KMT2C: variants seen among roughly 807,000 people sequenced by gnomAD.
The protein encoded by KMT2C is histone-lysine N-methyltransferase 2C.
Under a neutral mutation model 507.9 loss-of-function variants are expected in KMT2C, and 88 were observed. The observed-to-expected ratio is 0.17, with a 90% CI of 0.15 to 0.21. KMT2C has a LOEUF of 0.21. Among genes scored for constraint, KMT2C ranks in the 10% least tolerant of loss-of-function variants. The pLI is 1.00. For synonymous variants in KMT2C, 2,049 were observed against 2,080.8 expected, an observed-to-expected ratio of 0.98 and a Z score of 0.42; for missense variants, 4,954 against 5,957.8, an observed-to-expected ratio of 0.83 and a Z score of 5.55.
chr7:152,213,509 T>C (rs2094501960), intron 23 of KMT2C, among the ~76,000 whole-genome samples: 1 of 152,054 alleles, frequency 6.6e-6, no homozygotes, highest in African/African-American at 2.4e-5. Context: ...TAGATATCTA[T>C]ATGCAAAAGA....
intron 1 of KMT2C, among the ~76,000 whole-genome samples, chr7:152,416,046 A>C (rs535268979): frequency 6.6e-6 from 1 of 152,278 alleles, no homozygotes; most frequent in East Asian, 1.9e-4. Flanking sequence ...ATGACATTAC[A>C]AATTGATGCA....
chr7:152,414,464 G>T (rs552729852), intron 1 of KMT2C, among the ~76,000 whole-genome samples: 1 of 152,118 alleles, frequency 6.6e-6, no homozygotes, highest in African/African-American at 2.4e-5. Flanking sequence ...GGAGGCGAAG[G>T]TTGCCATGAG....
rs968440874 is a variant in KMT2C at position 152,135,634 on chromosome 7, T to C, written c.*1198A>G. 4.4e-6 allele frequency: 1 copy of C among 227,212 alleles called. No homozygotes were observed. The allele number at this position is 227,212 out of a possible 1,614,324, so 14.1% of individuals were successfully genotyped here. On this transcript the variant is annotated 3_prime_UTR_variant, in exon 59 of 59. Coordinates refer to ENST00000262189, the MANE Select transcript of KMT2C (RefSeq NM_170606.3). ...CTCTGTGGCTGAAACAAAGTTCTAA[T>C]CAAAACTACTTTTGCTGAAGAAAAA... is the stretch of plus-strand genomic sequence containing the variant.
intron 6 of KMT2C, among the ~76,000 whole-genome samples, chr7:152,297,056 AGAGAGAGAGAGAGAGAGAGAG>A (rs1563767578): frequency 0.017 from 697 of 42,044 alleles, 13 homozygotes; most frequent in South Asian, 0.036. Context: ...AAAGAAAGAC[AGAGAGAGAGAGAGAGAGAGAG>A]AGAGAGAGAG....
intron 20 of KMT2C, among the ~76,000 whole-genome samples, chr7:152,223,256 C>T (rs1013418707): frequency 4.6e-5 from 7 of 151,956 alleles, no homozygotes; most frequent in African/African-American, 1.5e-4. Flanking sequence ...AGCAAGGAAA[C>T]ATTCTTGATT....
rs754396853 is a variant in KMT2C at position 152,435,837 on chromosome 7, CCCGCCGCCGCGGCCG to C, written c.-66_-52del. ...ATCCCGGTCCTCCTCCTGGGGGGCT[CCCGCCGCCGCGGCCG>C]CCGCCGCCGCCGCTGCTGCTCGGGT... is the stretch of plus-strand genomic sequence containing the variant. On this transcript the variant is annotated 5_prime_UTR_variant, in exon 1 of 59. Coordinates refer to ENST00000262189, the MANE Select transcript of KMT2C (RefSeq NM_170606.3). The C allele has an allele frequency of 1.5e-5, 21 of 1,378,826 alleles. No individual in the cohort carries two copies. Among genetic ancestry groups the C allele is most frequent in the Non-Finnish European group, 1.7e-5 (18 of 1,064,580 alleles). 85.4% of individuals were successfully genotyped at this position (1,378,826 alleles called of 1,614,324 possible). A position where few individuals can be genotyped will look rare whatever the true frequency, so the allele number is the denominator to read the frequency against.
At chr7:152,400,190 T>C (rs1182896434) in intron 1 of KMT2C, among the ~76,000 whole-genome samples, 1 of 152,052 alleles carries the variant, frequency 6.6e-6, no homozygotes, top group Admixed American at 6.6e-5. Context: ...CAGGTGCCTG[T>C]AGTCCCAGTT....
intron 1 of KMT2C, among the ~76,000 whole-genome samples, chr7:152,390,860 A>C (rs943714194): frequency 1.3e-5 from 2 of 152,136 alleles, no homozygotes; most frequent in African/African-American, 4.8e-5. Context: ...AAAACTTAGA[A>C]TCTCTGCCAG....
chr7:152,198,037 A>C (rs1243822539), intron 27 of KMT2C, among the ~76,000 whole-genome samples: 1 of 116,822 alleles, frequency 8.6e-6, no homozygotes, highest in Non-Finnish European at 1.5e-5. Context: ...TTAAGTCTTC[A>C]AAGTGGCTAG....
At chr7:152,308,044 A>C (rs941829769) in intron 6 of KMT2C, among the ~76,000 whole-genome samples, 1 of 152,210 alleles carries the variant, frequency 6.6e-6, no homozygotes, top group Admixed American at 6.5e-5. Flanking sequence ...AGTCTCTAAG[A>C]ATGTTCAGGC....
intron 6 of KMT2C, among the ~76,000 whole-genome samples, chr7:152,306,419 C>T (rs1276351780): frequency 6.6e-6 from 1 of 152,218 alleles, no homozygotes; most frequent in Non-Finnish European, 1.5e-5. Context: ...CTCCCTCCCA[C>T]TCCCTACAGG....
intron 39 of KMT2C, 144 bp downstream of exon 39, chr7:152,173,987 A>G: frequency 7.9e-6 from 4 of 503,272 alleles, no homozygotes; most frequent in Non-Finnish European, 1.4e-5. Context: ...ATCTGATCAT[A>G]TCGAGCTGAT....
Position 152,180,864 on chromosome 7 carries a change from C to T in KMT2C, c.6996G>A (p.Gly2332=), listed in dbSNP as rs1277145735. ...GAGAGTTTGAAGATGCACAGAAGCT[C>T]CCCTCTGATCCAGGCCTTGGCTGAT... is the stretch of plus-strand genomic sequence containing the variant. ...VADQPRPGSE[G]SFCASSNSPM... Residue 2332 remains glycine (G), a synonymous_variant, in exon 36 of 59, where the codon GGG becomes GGA. Transcript: ENST00000262189. The T allele has an allele frequency of 2.5e-6, 4 of 1,614,150 alleles. No individual in the cohort carries two copies. In the African/African-American group the frequency reaches 5.3e-5, roughly 22 times the overall value.
intron 6 of KMT2C, among the ~76,000 whole-genome samples, chr7:152,282,296 C>CAAAA (rs1299162491): frequency 9.7e-6 from 1 of 102,672 alleles, no homozygotes; most frequent in South Asian, 3.2e-4. Flanking sequence ...GACCTTGTCT[C>CAAAA]AAAAAAAAAA....
At chr7:152,426,574 A>C (rs1564215883) in intron 1 of KMT2C, among the ~76,000 whole-genome samples, 1 of 151,566 alleles carries the variant, frequency 6.6e-6, no homozygotes. Flanking sequence ...TTGGTTTCTA[A>C]TCACTTCTGT....
At chr7:152,286,806 A>G (rs1330207301) in intron 6 of KMT2C, among the ~76,000 whole-genome samples, 2 of 152,226 alleles carry the variant, frequency 1.3e-5, no homozygotes, top group African/African-American at 4.8e-5. Flanking sequence ...ATATACAAGA[A>G]AAGTTGCTAG....
intron 1 of KMT2C, among the ~76,000 whole-genome samples, chr7:152,399,312 T>C (rs1304659666): frequency 4.6e-5 from 7 of 152,136 alleles, no homozygotes; most frequent in Non-Finnish European, 1.0e-4. Flanking sequence ...ATCAAACATA[T>C]ACATTTATCT....
At chr7:152,252,212 T>C (rs1352889288) in intron 10 of KMT2C, 122 bp from the exon 11 acceptor site, 1 of 703,018 alleles carries the variant, frequency 1.4e-6, no homozygotes, top group Non-Finnish European at 2.2e-6. Flanking sequence ...GGAGAGAGGT[T>C]AGAGGAGTTG....
In KMT2C at chr7:152,164,271, A is replaced by G. The variant is rs117071058; in HGVS notation, c.9751-445T>C. On this transcript the variant is annotated intron_variant, in intron 42 of 58. Transcript: ENST00000262189. Reference sequence around the variant, plus strand: ...TTTAAATGTTAAGATTTCATTTCTTAAATATATAAATTGTACAACATTTTT... The same window carrying G: ...TTTAAATGTTAAGATTTCATTTCTTGAATATATAAATTGTACAACATTTTT... Among the ~76,000 whole-genome samples the G allele has an allele frequency of 2.0e-3, 306 of 152,212 alleles. 4 individuals carry two copies. The East Asian group carries it at 0.056, about 28-fold the overall frequency.
Sources: gnomAD v4.1 joint callset for allele counts (sites outside exome capture counted in the v4.1 genomes callset) on GRCh38, gnomAD v4.1.1 for gene constraint, MANE v1.5 for transcripts, NCBI Gene and HGNC (gene_info 2026-07-23, HGNC 2026-07-21) for gene names.